NOL4: variants seen among roughly 807,000 people sequenced by gnomAD.
NOL4 encodes cancer/testis antigen 125.
NOL4 carries 17 observed loss-of-function variants against 75.9 expected under a neutral mutation model. The observed-to-expected ratio is 0.22, with a 90% CI of 0.15 to 0.34. NOL4 has a LOEUF of 0.34. Among genes scored for constraint, NOL4 ranks in the 10% least tolerant of loss-of-function variants. NOL4 has a pLI of 1.00. For missense variants in NOL4, 614 were observed against 793.5 expected (o/e 0.77, Z 2.72); for synonymous variants, 292 against 289.9 (o/e 1.01, Z -0.07).
intron 6 of NOL4, among the ~76,000 whole-genome samples, chr18:34,005,028 A>ATACCGTGTTAAAATACCG: frequency 6.6e-6 from 1 of 152,224 alleles, no homozygotes; most frequent in South Asian, 2.1e-4. Flanking sequence ...TGAAAAGTAA[A>ATACCGTGTTAAAATACCG]TGTTGAGATA....
At chr18:33,983,777 C>A (rs2072194354) in intron 6 of NOL4, among the ~76,000 whole-genome samples, 1 of 151,810 alleles carries the variant, frequency 6.6e-6, no homozygotes, top group Non-Finnish European at 1.5e-5. Context: ...TAAAAATATT[C>A]TTTAACATGA....
intron 5 of NOL4, among the ~76,000 whole-genome samples, chr18:34,082,787 G>A (rs2078070311): frequency 1.3e-5 from 2 of 152,234 alleles, no homozygotes; most frequent in South Asian, 2.1e-4. Flanking sequence ...GTGATGAGTT[G>A]CACGTTTTAT....
At chr18:34,208,726 G>T (rs2036296069) in intron 1 of NOL4, among the ~76,000 whole-genome samples, 1 of 152,134 alleles carries the variant, frequency 6.6e-6, no homozygotes, top group South Asian at 2.1e-4. Flanking sequence ...TCCGGGCATG[G>T]TGGCGCATGC....
At chr18:33,936,293 A>C (rs938629527) in intron 9 of NOL4, among the ~76,000 whole-genome samples, 1 of 152,122 alleles carries the variant, frequency 6.6e-6, no homozygotes, top group African/African-American at 2.4e-5. Context: ...GAAGAGACAC[A>C]GATGACAGTG....
chr18:33,854,226 A>C (rs1305126032), intron 10 of NOL4, among the ~76,000 whole-genome samples: 6 of 152,118 alleles, frequency 3.9e-5, no homozygotes, highest in Non-Finnish European at 7.4e-5. Flanking sequence ...AGCATGATGG[A>C]GATAGGTCAA....
intron 1 of NOL4, among the ~76,000 whole-genome samples, chr18:34,177,899 T>C (rs978447805): frequency 6.6e-6 from 1 of 151,770 alleles, no homozygotes; most frequent in Non-Finnish European, 1.5e-5. Flanking sequence ...AGAAAGTAAT[T>C]TGAATCCACA....
chr18:33,923,726 A>C (rs1226281535), intron 9 of NOL4, among the ~76,000 whole-genome samples: 2 of 152,176 alleles, frequency 1.3e-5, no homozygotes, highest in African/African-American at 4.8e-5. Context: ...TTTGTGTATA[A>C]GATGTATAGA....
At chr18:34,195,981 T>C (rs745369049) in intron 1 of NOL4, among the ~76,000 whole-genome samples, 2 of 152,096 alleles carry the variant, frequency 1.3e-5, no homozygotes, top group African/African-American at 2.4e-5. Context: ...TAGATAACTG[T>C]AGAAGGTCAC....
intron 5 of NOL4, among the ~76,000 whole-genome samples, chr18:34,047,350 T>C (rs1477931228): frequency 3.3e-5 from 5 of 152,102 alleles, no homozygotes; most frequent in Non-Finnish European, 7.4e-5. Context: ...AGCAGGATTT[T>C]ACACAGGGGA....
At chr18:34,059,981 C>T (rs943356737) in intron 5 of NOL4, among the ~76,000 whole-genome samples, 12 of 151,998 alleles carry the variant, frequency 7.9e-5, no homozygotes, top group South Asian at 4.2e-4. Flanking sequence ...TCTGACAGTC[C>T]GGGCAAGTCA....
At chr18:33,912,876 T>C (rs2066491443) in intron 9 of NOL4, among the ~76,000 whole-genome samples, 1 of 152,130 alleles carries the variant, frequency 6.6e-6, no homozygotes, top group South Asian at 2.1e-4. Flanking sequence ...ATTGCAAAAG[T>C]GTTACCTGTT....
chr18:34,062,102 T>C (rs9965274), intron 5 of NOL4, among the ~76,000 whole-genome samples: 64 of 152,196 alleles, frequency 4.2e-4, no homozygotes, highest in Non-Finnish European at 8.1e-4. Flanking sequence ...AAGGAAGCAA[T>C]TGAAGACTCA....
chr18:34,104,057 T>C lies in NOL4; in HGVS notation c.629A>G (p.Gln210Arg), dbSNP rs1310931289. The change falls in exon 4 of 11, where the codon CAG becomes CGG. Residue 210 changes from glutamine to arginine, a missense_variant. Physicochemically the swap from Gln to Arg is conservative, Grantham distance 43. Around this residue, in one of 9 missense-constraint regions of NOL4, gnomAD observed 135 missense variants for 220.4 expected, o/e 0.61. Transcript: ENST00000261592. ...KHMKLQLLNS[Q>R]QDEDESSIES... ...ATGTTTTTATTTTACCTCATCTTGC[T>C]GTGAGTTTAGCAGCTGCAGCTTCAT... 6.2e-7 allele frequency: 1 copy of C among 1,608,628 alleles called. No individual in the cohort carries two copies. Among genetic ancestry groups the C allele is most frequent in the South Asian group, 1.1e-5 (1 of 90,916 alleles).
chr18:33,860,545 G>A (rs955116570), intron 10 of NOL4, among the ~76,000 whole-genome samples: 28 of 152,124 alleles, frequency 1.8e-4, no homozygotes, highest in South Asian at 4.1e-4. Flanking sequence ...TGAAACAATG[G>A]AGTTTTCTAG....
At chr18:34,097,860 G>A (rs543935847) in intron 4 of NOL4, among the ~76,000 whole-genome samples, 1 of 152,204 alleles carries the variant, frequency 6.6e-6, no homozygotes, top group South Asian at 2.1e-4. Flanking sequence ...TATTTGAAAA[G>A]TTTTTAATAA....
chr18:34,112,557 A>C (rs1482314648), intron 2 of NOL4, among the ~76,000 whole-genome samples: 1 of 152,174 alleles, frequency 6.6e-6, no homozygotes, highest in Non-Finnish European at 1.5e-5. Context: ...CATTTGCAAC[A>C]ACATGTATGA....
At chr18:34,035,509 A>G (rs895691962) in intron 5 of NOL4, among the ~76,000 whole-genome samples, 1 of 152,166 alleles carries the variant, frequency 6.6e-6, no homozygotes, top group African/African-American at 2.4e-5. Flanking sequence ...ACATTTAAAA[A>G]GTAGAAAGAT....
chr18:34,207,117 A>C (rs956958822), intron 1 of NOL4, among the ~76,000 whole-genome samples: 1 of 152,090 alleles, frequency 6.6e-6, no homozygotes, highest in Non-Finnish European at 1.5e-5. Flanking sequence ...GAGTGTTTGC[A>C]TTTTCAATAT....
chr18:34,007,041 C>T (rs2074068824), intron 6 of NOL4, among the ~76,000 whole-genome samples: 1 of 151,928 alleles, frequency 6.6e-6, no homozygotes, highest in South Asian at 2.1e-4. Context: ...TGCTGGCCTA[C>T]AGGTCTTAGT....
Sources: allele counts gnomAD v4.1 joint callset (sites outside exome capture counted in the v4.1 genomes callset), GRCh38; gene constraint gnomAD v4.1.1; regional missense constraint gnomAD v4.1.1; transcripts MANE v1.5; gene names NCBI Gene and HGNC (gene_info 2026-07-23, HGNC 2026-07-21).